LHFPL3: variants seen among roughly 807,000 people sequenced by gnomAD.
LHFPL3 encodes LHFPL tetraspan subfamily member 3 protein.
A neutral mutation model predicts 19.3 loss-of-function variants in LHFPL3; 5 were observed. The ratio of observed to expected loss-of-function variants is 0.26; its 90% CI spans 0.14 to 0.54. LHFPL3 has a LOEUF of 0.54. Ranked by LOEUF, LHFPL3 falls within the 20% of genes least tolerant of loss-of-function variation. LHFPL3 has a pLI of 0.94. For missense variants in LHFPL3, 249 were observed against 307.4 expected (o/e 0.81, Z 1.42); for synonymous variants, 133 against 126.2 (o/e 1.05, Z -0.36).
chr7:104,841,955 T>G (rs2116589684), intron 2 of LHFPL3, among the ~76,000 whole-genome samples: 1 of 152,134 alleles, frequency 6.6e-6, no homozygotes, highest in East Asian at 1.9e-4. Flanking sequence ...AGGCTTCATT[T>G]ATCATGGTGC....
chr7:104,390,893 G>T (rs1193756591), intron 1 of LHFPL3, among the ~76,000 whole-genome samples: 1 of 152,150 alleles, frequency 6.6e-6, no homozygotes, highest in Non-Finnish European at 1.5e-5. Flanking sequence ...GTATGAGATG[G>T]TATCTCACTG....
intron 1 of LHFPL3, among the ~76,000 whole-genome samples, chr7:104,678,161 T>C (rs1792627130): frequency 6.6e-6 from 1 of 152,356 alleles, no homozygotes; most frequent in East Asian, 1.9e-4. Flanking sequence ...TAAGATAAAC[T>C]GTGTCAAGTT....
chr7:104,365,445 T>A (rs1021591793), intron 1 of LHFPL3, among the ~76,000 whole-genome samples: 1 of 150,786 alleles, frequency 6.6e-6, no homozygotes, highest in Non-Finnish European at 1.5e-5. Flanking sequence ...TTTTTGTGAT[T>A]TTTTTTTTAA....
At chr7:104,650,130 T>C (rs767967937) in intron 1 of LHFPL3, among the ~76,000 whole-genome samples, 1 of 152,170 alleles carries the variant, frequency 6.6e-6, no homozygotes, top group Non-Finnish European at 1.5e-5. Flanking sequence ...AGAGCACAAG[T>C]CTGCAGTTGC....
chr7:104,536,049 T>A (rs958076494), intron 1 of LHFPL3, among the ~76,000 whole-genome samples: 1 of 152,210 alleles, frequency 6.6e-6, no homozygotes. Context: ...CTGTGACCCA[T>A]GCCCTCCACA....
intron 1 of LHFPL3, among the ~76,000 whole-genome samples, chr7:104,725,272 C>T (rs992478372): frequency 6.6e-5 from 10 of 152,094 alleles, no homozygotes; most frequent in South Asian, 2.1e-4. Flanking sequence ...TGAGAAAAGA[C>T]GTCTTTGTTG....
At chr7:104,393,751 A>G (rs1791127292) in intron 1 of LHFPL3, among the ~76,000 whole-genome samples, 1 of 152,182 alleles carries the variant, frequency 6.6e-6, no homozygotes, top group African/African-American at 2.4e-5. Flanking sequence ...CATACAAAGA[A>G]TATATTATTC....
At chr7:104,771,542 T>A (rs1408066637) in intron 2 of LHFPL3, among the ~76,000 whole-genome samples, 1 of 152,176 alleles carries the variant, frequency 6.6e-6, no homozygotes, top group Non-Finnish European at 1.5e-5. Context: ...AAATATATAC[T>A]AATTATATTA....
intron 1 of LHFPL3, among the ~76,000 whole-genome samples, chr7:104,567,106 A>G (rs187367342): frequency 3.6e-4 from 55 of 152,314 alleles, no homozygotes; most frequent in African/African-American, 1.2e-3. Flanking sequence ...TTTATATCAA[A>G]CGAAGTGTTT....
intron 2 of LHFPL3, among the ~76,000 whole-genome samples, chr7:104,834,491 C>G (rs964363173): frequency 2.0e-5 from 3 of 151,904 alleles, no homozygotes; most frequent in Non-Finnish European, 4.4e-5. Flanking sequence ...TCTGAAGCAT[C>G]ATTTGCTTAT....
At position 104,868,365 on chromosome 7, in the gene LHFPL3, G is replaced by A. The variant is rs982342887; in HGVS notation, c.683-37822G>A. Among the ~76,000 whole-genome samples, 949 of 152,090 alleles carry A rather than the reference G, an allele frequency of 6.2e-3. 13 individuals are homozygous for A. Among genetic ancestry groups the A allele is most frequent in the African/African-American group, 0.022 (909 of 41,468 alleles). On this transcript the variant is annotated intron_variant, in intron 2 of 2. Transcript: ENST00000424859. ...AGCCCAAAATCTCCTTAAGCTGATAGGCAACTTCAGCAAAGTCTCAGGATA... is the reference window on the plus strand; with the variant it reads ...AGCCCAAAATCTCCTTAAGCTGATAAGCAACTTCAGCAAAGTCTCAGGATA...
At chr7:104,761,389 C>T (rs1794369139) in intron 2 of LHFPL3, among the ~76,000 whole-genome samples, 1 of 152,042 alleles carries the variant, frequency 6.6e-6, no homozygotes, top group South Asian at 2.1e-4. Flanking sequence ...TGAAAAAAAT[C>T]ATAATAATCC....
chr7:104,504,552 T>C (rs1255155673), intron 1 of LHFPL3, among the ~76,000 whole-genome samples: 1 of 152,324 alleles, frequency 6.6e-6, no homozygotes, highest in South Asian at 2.1e-4. Context: ...ATCCTCCTGA[T>C]TGAGAATTCT....
intron 1 of LHFPL3, among the ~76,000 whole-genome samples, chr7:104,727,048 A>T (rs190529648): frequency 1.3e-5 from 2 of 152,074 alleles, no homozygotes; most frequent in Non-Finnish European, 1.5e-5. Context: ...GAAGCATCTC[A>T]TTGTCGTTTT....
At chr7:104,611,768 T>C (rs561970947) in intron 1 of LHFPL3, among the ~76,000 whole-genome samples, 1 of 152,238 alleles carries the variant, frequency 6.6e-6, no homozygotes, top group South Asian at 2.1e-4. Context: ...AGTTTCTATG[T>C]AGGGACAATA....
intron 2 of LHFPL3, chr7:104,786,689 G>GGTGT (rs150438939): frequency 0.061 from 7,896 of 129,808 alleles, 614 homozygotes; most frequent in African/African-American, 0.18. Flanking sequence ...GTGTGTGTGG[G>GGTGT]GTGTGTGTGT....
intron 1 of LHFPL3, among the ~76,000 whole-genome samples, chr7:104,633,892 T>C (rs1324652336): frequency 6.6e-6 from 1 of 152,174 alleles, no homozygotes; most frequent in Non-Finnish European, 1.5e-5. Flanking sequence ...CCACCCTATT[T>C]CCTTGCTACC....
intron 2 of LHFPL3, among the ~76,000 whole-genome samples, chr7:104,790,561 C>T (rs1359082582): frequency 6.6e-6 from 1 of 152,148 alleles, no homozygotes; most frequent in Non-Finnish European, 1.5e-5. Flanking sequence ...CTAGGTACAA[C>T]ATTGTATCCT....
At chr7:104,571,285 GTC>G (rs1413427940) in intron 1 of LHFPL3, among the ~76,000 whole-genome samples, 1 of 151,936 alleles carries the variant, frequency 6.6e-6, no homozygotes, top group Non-Finnish European at 1.5e-5. Context: ...ATTTCTTTCA[GTC>G]AAGAGACCGT....
Sources: allele counts gnomAD v4.1 joint callset (sites outside exome capture counted in the v4.1 genomes callset), GRCh38; gene constraint gnomAD v4.1.1; transcripts MANE v1.5; gene names NCBI Gene and HGNC (gene_info 2026-07-23, HGNC 2026-07-21).